The following ATR variants were observed in gnomAD, a reference collection of about 807,000 sequenced individuals.
ATR encodes the protein serine/threonine-protein kinase ATR.
A neutral mutation model predicts 305.3 loss-of-function variants in ATR; 142 were observed. That is an observed-to-expected ratio of 0.47 (90% CI 0.41 to 0.53). ATR has a LOEUF of 0.53. Among genes scored for constraint, ATR ranks in the 20% least tolerant of loss-of-function variants. ATR has a pLI of 0.00. For synonymous variants in ATR, 1,050 were observed against 1,068.1 expected, an observed-to-expected ratio of 0.98 and a Z score of 0.33; for missense variants, 2,135 against 3,133.1, an observed-to-expected ratio of 0.68 and a Z score of 7.60.
intron 8 of ATR, 148 bp downstream of exon 8, chr3:142,558,476 T>C: frequency 1.5e-6 from 1 of 662,196 alleles, no homozygotes; most frequent in East Asian, 6.7e-5. Flanking sequence ...AAGCCGAGAT[T>C]GCGCCACTGC....
intron 36 of ATR, among the ~76,000 whole-genome samples, chr3:142,478,143 G>GT (rs2030048895): frequency 6.6e-6 from 1 of 152,150 alleles, no homozygotes; most frequent in African/African-American, 2.4e-5. Context: ...TTTTGAATGT[G>GT]TTTGCTCTTG....
intron 45 of ATR, among the ~76,000 whole-genome samples, chr3:142,454,264 T>C (rs1328939831): frequency 6.6e-6 from 1 of 152,170 alleles, no homozygotes; most frequent in Non-Finnish European, 1.5e-5. Flanking sequence ...TGGTCAACTT[T>C]ATTAACTTTT....
Position 142,555,992 on chromosome 3 carries a change from A to G in ATR, c.2226T>C (p.Cys742=), listed in dbSNP as rs147895945. The G allele has an allele frequency of 1.1e-3, 1,756 of 1,614,058 alleles. 1 individual carries two copies. The highest frequency in any genetic ancestry group is 1.3e-3 in the Non-Finnish European group (1,554 of 1,179,988). The change falls in exon 10 of 47, where the codon TGT becomes TGC. Residue 742 remains cysteine, a synonymous_variant. Coordinates refer to ENST00000350721, the MANE Select transcript of ATR (RefSeq NM_001184.4). ...GTTGAGAAGTGGCTTTCAAGTTCCT[A>G]CAGAAGAGGTCCACATGTCCGTGTT... is the stretch of plus-strand genomic sequence containing the variant. ...FSEHGHVDLF[C]RNLKATSQHE...
At chr3:142,497,389 G>A (rs950997268) in intron 32 of ATR, among the ~76,000 whole-genome samples, 197 bp from the exon 33 acceptor site, 25 of 151,918 alleles carry the variant, frequency 1.6e-4, no homozygotes, top group African/African-American at 5.8e-4. Flanking sequence ...AATTTATGCT[G>A]GTTTATACAT....
At chr3:142,545,878 G>A (rs1315969972) in intron 16 of ATR, among the ~76,000 whole-genome samples, 1 of 152,134 alleles carries the variant, frequency 6.6e-6, no homozygotes, top group Non-Finnish European at 1.5e-5. Context: ...GAAAGACTGG[G>A]AGAAAAACAG....
At chr3:142,473,725 T>C (rs1307412609) in intron 36 of ATR, among the ~76,000 whole-genome samples, 4 of 151,464 alleles carry the variant, frequency 2.6e-5, no homozygotes, top group African/African-American at 9.7e-5. Flanking sequence ...TTCTGTATTT[T>C]AGTAGAGATG....
At chr3:142,460,570 G>C (rs1050817667) in intron 42 of ATR, among the ~76,000 whole-genome samples, 13 of 152,116 alleles carry the variant, frequency 8.5e-5, no homozygotes, top group African/African-American at 3.1e-4. Flanking sequence ...AGCCTTCAGA[G>C]AGATCATGGT....
chr3:142,498,707 GAT>G lies in ATR; in HGVS notation c.5446_5447del (p.Ile1816HisfsTer5). On this transcript the variant is annotated frameshift_variant, in exon 32 of 47. Transcript: ENST00000350721. LOFTEE classifies it high-confidence loss of function. ...GTTTCAGTGAGTCATAAAAAGCTGT[GAT>G]ATCTCTTTTTTTGGCTGATAATAAT... is the stretch of plus-strand genomic sequence containing the variant. ...QLLLSAKKRD[I>X]TAFYDSLKLV... 1.2e-6 allele frequency: 2 copies of G among 1,613,938 alleles called. No individual in the cohort carries two copies. Among genetic ancestry groups the G allele is most frequent in the Non-Finnish European group, 1.7e-6 (2 of 1,179,884 alleles).
At position 142,566,224 on chromosome 3, in the gene ATR, T is replaced by C; in HGVS notation, c.189A>G (p.Pro63=). 1 of 1,614,094 alleles carries C rather than the reference T, an allele frequency of 6.2e-7. No homozygotes were observed. Among genetic ancestry groups the C allele is most frequent in the Non-Finnish European group, 8.5e-7 (1 of 1,179,926 alleles). The part of the protein sequence containing the change: ...VELVKKTDSQ[P]TSVMLLDFIQ... Reference sequence around the variant, plus strand: ...TGAAATCAAGCAACATCACGGAGGTTGGCTGAGAGTCAGTTTTCTTTACAA... The same window carrying C: ...TGAAATCAAGCAACATCACGGAGGTCGGCTGAGAGTCAGTTTTCTTTACAA... The change falls in exon 3 of 47, where the codon CCA becomes CCG. Residue 63 remains proline (P), a synonymous_variant. Coordinates refer to ENST00000350721, the MANE Select transcript of ATR (RefSeq NM_001184.4).
intron 42 of ATR, among the ~76,000 whole-genome samples, chr3:142,460,146 G>A (rs374459815): frequency 7.2e-5 from 11 of 152,004 alleles, no homozygotes; most frequent in African/African-American, 1.7e-4. Context: ...GACAAGTTAC[G>A]TAAGTTCTCT....
chr3:142,474,737 G>A (rs924261669), intron 36 of ATR, among the ~76,000 whole-genome samples: 1 of 151,952 alleles, frequency 6.6e-6, no homozygotes, highest in African/African-American at 2.4e-5. Flanking sequence ...TTCTCGAATT[G>A]CTATGGCTAG....
Position 142,462,016 on chromosome 3 carries a change from A to G in ATR, c.7116T>C (p.Asp2372=), listed in dbSNP as rs1407465447. 2 of 1,613,336 alleles carry G rather than the reference A, an allele frequency of 1.2e-6. No homozygotes were observed. Among genetic ancestry groups the G allele is most frequent in the South Asian group, 1.1e-5 (1 of 91,070 alleles). Residue 2372 remains aspartate, a synonymous_variant, in exon 42 of 47, where the codon GAT becomes GAC. Coordinates refer to ENST00000350721, the MANE Select transcript of ATR (RefSeq NM_001184.4). ...IRTYAVIPLN[D]ECGIIEWVNN... is the part of the protein sequence containing the mutation. Reference sequence around the variant, plus strand: ...TCACCCATTCAATAATCCCACATTCATCATTTAGTGGAATAACTGCATATG... The same window carrying G: ...TCACCCATTCAATAATCCCACATTCGTCATTTAGTGGAATAACTGCATATG...
intron 3 of ATR, 54 bp downstream of exon 3, chr3:142,566,067 A>C: frequency 6.2e-7 from 1 of 1,608,732 alleles, no homozygotes; most frequent in African/African-American, 1.3e-5. Flanking sequence ...AGAGCAGTAA[A>C]AGGAGGATTT....
chr3:142,489,695 T>A (rs1212612457), intron 35 of ATR, among the ~76,000 whole-genome samples: 1 of 152,226 alleles, frequency 6.6e-6, no homozygotes, highest in African/African-American at 2.4e-5. Flanking sequence ...ACCAGTTTGT[T>A]TACCCATTCT....
intron 1 of ATR, among the ~76,000 whole-genome samples, chr3:142,569,931 C>A (rs1034841178): frequency 7.9e-5 from 12 of 152,202 alleles, no homozygotes; most frequent in Non-Finnish European, 1.8e-4. Flanking sequence ...AGGCATCAGC[C>A]AACATGCCCA....
Position 142,553,350 on chromosome 3 carries a change from A to G in ATR, c.2682T>C (p.His894=). 1 of 1,614,010 alleles carries G rather than the reference A, an allele frequency of 6.2e-7. No homozygotes were observed. Among genetic ancestry groups the G allele is most frequent in the Non-Finnish European group, 8.5e-7 (1 of 1,179,982 alleles). ...CAGATGCTGACTTGGATAACAAACA[A>G]TGCAATAAGTGTAAGAGTGCAAATG... ...LVPFALLHLL[H]CLLSKSASVS... The change falls in exon 13 of 47, where the codon CAT becomes CAC. Residue 894 remains histidine, a synonymous_variant. Coordinates refer to ENST00000350721, the MANE Select transcript of ATR (RefSeq NM_001184.4).
At chr3:142,573,453 C>CAAAAAA (rs1218216880) in intron 1 of ATR, among the ~76,000 whole-genome samples, 4 of 45,978 alleles carry the variant, frequency 8.7e-5, no homozygotes, top group African/African-American at 2.2e-4. Context: ...GACTTCATCT[C>CAAAAAA]AAAAAAAAAA....
intron 1 of ATR, among the ~76,000 whole-genome samples, chr3:142,577,577 T>C (rs982549352): frequency 1.3e-5 from 2 of 152,208 alleles, no homozygotes; most frequent in African/African-American, 2.4e-5. Context: ...CTTTTATTCA[T>C]ATATTGAGAC....
intron 35 of ATR, among the ~76,000 whole-genome samples, chr3:142,490,786 T>A (rs2031231543): frequency 6.6e-6 from 1 of 152,324 alleles, no homozygotes; most frequent in East Asian, 1.9e-4. Context: ...TCCTTTCTTG[T>A]TGTCATATAG....
Sources: allele counts gnomAD v4.1 joint callset (sites outside exome capture counted in the v4.1 genomes callset), GRCh38; gene constraint gnomAD v4.1.1; transcripts MANE v1.5; gene names NCBI Gene and HGNC (gene_info 2026-07-23, HGNC 2026-07-21).